Variants in CDH18 observed in about 807,000 individuals in gnomAD.
CDH18 encodes cadherin-18.
A neutral mutation model predicts 67.9 loss-of-function variants in CDH18; 31 were observed. That is an observed-to-expected ratio of 0.46 (90% CI 0.34 to 0.62). The LOEUF (loss-of-function observed/expected upper bound fraction) is 0.62, where lower values mean the gene tolerates loss of function less well. CDH18 is among the 20% of genes least tolerant of loss of function. The pLI is 0.01. For missense variants in CDH18, 890 were observed against 975.5 expected (o/e 0.91, Z 1.17); for synonymous variants, 362 against 347.2 (o/e 1.04, Z -0.48).
intron 1 of CDH18, among the ~76,000 whole-genome samples, chr5:19,982,867 AC>A (rs1423187141): frequency 6.6e-6 from 1 of 151,866 alleles, no homozygotes; most frequent in Non-Finnish European, 1.5e-5. Flanking sequence ...ACATGGTGAA[AC>A]CCCATCTCTA....
intron 1 of CDH18, among the ~76,000 whole-genome samples, chr5:20,557,595 T>C (rs921024786): frequency 1.3e-5 from 2 of 151,950 alleles, no homozygotes; most frequent in African/African-American, 2.4e-5. Context: ...ATATGGATCA[T>C]TGTGTTCTGT....
intron 3 of CDH18, among the ~76,000 whole-genome samples, chr5:19,827,419 C>G (rs1340612799): frequency 6.6e-6 from 1 of 151,872 alleles, no homozygotes; most frequent in East Asian, 1.9e-4. Context: ...CTCCACCCCT[C>G]TGAAAAACAG....
At chr5:19,563,458 A>G (rs907891584) in intron 8 of CDH18, among the ~76,000 whole-genome samples, 1 of 152,222 alleles carries the variant, frequency 6.6e-6, no homozygotes. Context: ...CATGTGTCAT[A>G]AAGCTACATT....
chr5:19,816,361 A>C (rs1779285268), intron 3 of CDH18, among the ~76,000 whole-genome samples: 1 of 151,898 alleles, frequency 6.6e-6, no homozygotes, highest in South Asian at 2.1e-4. Context: ...GGTGTTTTTA[A>C]AATGAAAATA....
At chr5:20,245,160 A>G (rs574446590) in intron 2 of CDH18, among the ~76,000 whole-genome samples, 1 of 152,248 alleles carries the variant, frequency 6.6e-6, no homozygotes, top group African/African-American at 2.4e-5. Context: ...TTCACACTGG[A>G]ATTAGACCCA....
chr5:19,674,005 A>G (rs1759123814), intron 5 of CDH18, among the ~76,000 whole-genome samples: 1 of 152,042 alleles, frequency 6.6e-6, no homozygotes, highest in African/African-American at 2.4e-5. Context: ...ATTTAACACA[A>G]TCCTCACAAA....
At position 20,275,089 on chromosome 5, in the gene CDH18, T is replaced by A. The variant is rs866501796; in HGVS notation, c.-579-19584A>T. Among the ~76,000 whole-genome samples, 153 of 152,310 alleles carry A rather than the reference T, an allele frequency of 1.0e-3. 1 individual carries two copies. The Middle Eastern group carries it at 0.024, about 24-fold the overall frequency. ...AGAAAAGAAAAGCTAAAGATTTTTT[T>A]TTTATTATTTTCACCACATTTCTGA... On this transcript the variant is annotated intron_variant, in intron 1 of 14. Transcript: ENST00000507958.
At chr5:20,137,635 G>A (rs1179439097) in intron 2 of CDH18, among the ~76,000 whole-genome samples, 1 of 152,060 alleles carries the variant, frequency 6.6e-6, no homozygotes, top group East Asian at 1.9e-4. Flanking sequence ...TGCTGGCAAG[G>A]AGCTGCATTC....
chr5:19,957,082 G>A (rs1284476233), intron 2 of CDH18, among the ~76,000 whole-genome samples: 2 of 151,898 alleles, frequency 1.3e-5, no homozygotes, highest in African/African-American at 2.4e-5. Context: ...TCTCAGTTTA[G>A]TAAAGTGCTG....
chr5:20,342,760 A>G (rs1740380278), intron 1 of CDH18, among the ~76,000 whole-genome samples: 1 of 152,166 alleles, frequency 6.6e-6, no homozygotes, highest in African/African-American at 2.4e-5. Flanking sequence ...AAAGGTTCTA[A>G]TAGTTTATTT....
chr5:19,864,876 C>A, intron 2 of CDH18, among the ~76,000 whole-genome samples: 1 of 152,168 alleles, frequency 6.6e-6, no homozygotes, highest in East Asian at 1.9e-4. Context: ...CTGATACATG[C>A]ACAAATTTGG....
At chr5:20,054,711 C>T (rs1437025911) in intron 2 of CDH18, among the ~76,000 whole-genome samples, 1 of 152,176 alleles carries the variant, frequency 6.6e-6, no homozygotes, top group Non-Finnish European at 1.5e-5. Flanking sequence ...TCAGGTATAA[C>T]ATTTACTATG....
At chr5:20,365,038 T>C (rs1240953548) in intron 1 of CDH18, among the ~76,000 whole-genome samples, 1 of 152,208 alleles carries the variant, frequency 6.6e-6, no homozygotes, top group Non-Finnish European at 1.5e-5. Context: ...TCTTGGTTGA[T>C]GGCTAAGATA....
chr5:19,699,228 C>T (rs1292671283), intron 5 of CDH18, among the ~76,000 whole-genome samples: 1 of 152,084 alleles, frequency 6.6e-6, no homozygotes, highest in Non-Finnish European at 1.5e-5. Context: ...TCATATTTTG[C>T]ATTAGGTTAT....
chr5:19,870,469 T>C (rs1010513567), intron 2 of CDH18, among the ~76,000 whole-genome samples: 2 of 152,166 alleles, frequency 1.3e-5, no homozygotes, highest in African/African-American at 4.8e-5. Context: ...CTTTGATGTT[T>C]AGCTATGACT....
intron 2 of CDH18, among the ~76,000 whole-genome samples, chr5:20,163,816 C>G (rs1204937887): frequency 6.6e-6 from 1 of 152,136 alleles, no homozygotes; most frequent in Non-Finnish European, 1.5e-5. Context: ...ACCCATGAAA[C>G]AAAATCAAAA....
At chr5:20,083,395 TTTTG>T (rs952518759) in intron 2 of CDH18, among the ~76,000 whole-genome samples, 4 of 152,226 alleles carry the variant, frequency 2.6e-5, no homozygotes, top group Admixed American at 6.5e-5. Flanking sequence ...TTTTGTTTCA[TTTTG>T]TTTATTTTTT....
At chr5:19,558,668 C>CA (rs1188630005) in intron 8 of CDH18, among the ~76,000 whole-genome samples, 2 of 151,186 alleles carry the variant, frequency 1.3e-5, no homozygotes, top group Non-Finnish European at 3.0e-5. Flanking sequence ...TTACCAACAA[C>CA]AAAAAAAAGT....
chr5:19,956,876 A>G (rs968286914), intron 2 of CDH18, among the ~76,000 whole-genome samples: 2 of 151,920 alleles, frequency 1.3e-5, no homozygotes, highest in African/African-American at 4.8e-5. Context: ...GAATCTCAAG[A>G]GCAGAAAACT....
Sources: allele counts gnomAD v4.1 joint callset (sites outside exome capture counted in the v4.1 genomes callset), GRCh38; gene constraint gnomAD v4.1.1; transcripts MANE v1.5; gene names NCBI Gene and HGNC (gene_info 2026-07-23, HGNC 2026-07-21).